Variants in ARHGAP10 observed in about 807,000 individuals in gnomAD.
The protein encoded by ARHGAP10 is Rho GTPase activating protein 10.
Under a neutral mutation model 108.6 loss-of-function variants are expected in ARHGAP10, and 87 were observed. The observed-to-expected ratio is 0.80, with a 90% CI of 0.67 to 0.96. The LOEUF (loss-of-function observed/expected upper bound fraction) is 0.96, where lower values mean the gene tolerates loss of function less well. Ranked by LOEUF, ARHGAP10 falls within the 40% of genes least tolerant of loss-of-function variation. The pLI is 0.00. For missense variants in ARHGAP10, 939 were observed against 954.5 expected, an observed-to-expected ratio of 0.98 and a Z score of 0.21; for synonymous variants, 347 against 341.1, an observed-to-expected ratio of 1.02 and a Z score of -0.19.
At chr4:148,008,914 G>C (rs1407019445) in intron 18 of ARHGAP10, among the ~76,000 whole-genome samples, 1 of 152,144 alleles carries the variant, frequency 6.6e-6, no homozygotes, top group East Asian at 1.9e-4. Context: ...GGACGTTAAA[G>C]AGATTTGCAA....
chr4:147,978,837 G>GT (rs1739703377), intron 18 of ARHGAP10, among the ~76,000 whole-genome samples: 1 of 152,090 alleles, frequency 6.6e-6, no homozygotes, highest in African/African-American at 2.4e-5. Context: ...TTTTTCATAT[G>GT]TTTTTTGGCC....
chr4:148,043,589 G>T (rs1728725520), intron 19 of ARHGAP10, among the ~76,000 whole-genome samples: 1 of 106,484 alleles, frequency 9.4e-6, no homozygotes, highest in African/African-American at 3.3e-5. Flanking sequence ...GACCAAGCTG[G>T]ACAACATAGG....
rs138165776 is a variant in ARHGAP10, at chr4:147,887,050, C to T, written c.1034+5118C>T. Among the ~76,000 whole-genome samples, 1,168 of 152,306 alleles carry T rather than the reference C, an allele frequency of 7.7e-3. 13 individuals carry two copies. The highest frequency in any genetic ancestry group is 0.026 in the African/African-American group (1,096 of 41,554). ...GGGATTACAGGCGCGAGTCACCCTG[C>T]CCGGCCCATGCTATGTTTCCTTAGT... On this transcript the variant is annotated intron_variant, in intron 10 of 22. Transcript: ENST00000336498.
chr4:148,012,902 G>C (rs1741218396), intron 18 of ARHGAP10, among the ~76,000 whole-genome samples: 1 of 150,764 alleles, frequency 6.6e-6, no homozygotes, highest in Admixed American at 6.6e-5. Flanking sequence ...TTCCTTTGTA[G>C]GGGATGGTGG....
intron 18 of ARHGAP10, among the ~76,000 whole-genome samples, chr4:147,990,869 G>A (rs115654716): frequency 0.021 from 3,216 of 151,902 alleles, 65 homozygotes; most frequent in South Asian, 0.093. Flanking sequence ...CAGAAAAACG[G>A]GCCTGGTGTT....
rs1467504106 is a variant in ARHGAP10, at chr4:147,794,194, T to TGTGA, written c.155-28528_155-28525dup. 2.6e-5 allele frequency among the ~76,000 whole-genome samples: 4 copies of TGTGA among 152,314 alleles called. 1 individual carries two copies. In the East Asian group the frequency reaches 7.7e-4, roughly 29 times the overall value. On this transcript the variant is annotated intron_variant, in intron 1 of 22. Coordinates refer to ENST00000336498, the MANE Select transcript of ARHGAP10 (RefSeq NM_024605.4). Reference sequence around the variant, plus strand: ...AGAGCGGTTATGGTTTTGCAGAGGTTGTGAGTGATTCATTTCACTTCAGAA... The same window carrying TGTGA: ...AGAGCGGTTATGGTTTTGCAGAGGTTGTGAGTGAGTGATTCATTTCACTTCAGAA...
chr4:147,862,158 G>A (rs145089840), intron 5 of ARHGAP10: 2 of 152,778 alleles, frequency 1.3e-5, no homozygotes, highest in East Asian at 1.9e-4. Flanking sequence ...AGTCCAGAGG[G>A]GGCCGAGCTG....
intron 1 of ARHGAP10, among the ~76,000 whole-genome samples, chr4:147,761,845 G>A (rs1196734122): frequency 6.6e-6 from 1 of 152,150 alleles, no homozygotes; most frequent in Non-Finnish European, 1.5e-5. Context: ...AAACGAAGGA[G>A]AAAAAGTTAA....
chr4:147,812,832 T>A (rs1732085863), intron 1 of ARHGAP10, among the ~76,000 whole-genome samples: 1 of 152,182 alleles, frequency 6.6e-6, no homozygotes. Flanking sequence ...TTCTTATGCT[T>A]GTCTCTAAAA....
rs11281620 is a variant in ARHGAP10 at position 148,017,680 on chromosome 4, A to ATATATATATATATATATATATATGAG, written c.1717-5580_1717-5579insATATATATATATATATATATGAGTAT. 6.3e-4 allele frequency among the ~76,000 whole-genome samples: 89 copies of ATATATATATATATATATATATATGAG among 141,428 alleles called. 6 individuals are homozygous for ATATATATATATATATATATATATGAG. The highest frequency in any genetic ancestry group is 2.2e-3 in the African/African-American group (82 of 36,566). The allele number at this position is 141,428 out of a possible 152,430, so 92.8% of individuals were successfully genotyped here. A position where few individuals can be genotyped will look rare whatever the true frequency, so the allele number is the denominator to read the frequency against. ...TATATATATATATATATATATATATATATGTGTGTGTATGTAAAGGAATTC... is the reference window on the plus strand; with the variant it reads ...TATATATATATATATATATATATATATATATATATATATATATATATATGAGTATGTGTGTGTATGTAAAGGAATTC... On this transcript the variant is annotated intron_variant, in intron 18 of 22. Coordinates refer to ENST00000336498, the MANE Select transcript of ARHGAP10 (RefSeq NM_024605.4).
chr4:147,749,308 T>G (rs941698525), intron 1 of ARHGAP10, among the ~76,000 whole-genome samples: 1 of 152,220 alleles, frequency 6.6e-6, no homozygotes, highest in African/African-American at 2.4e-5. Context: ...TTAAAATACT[T>G]AATATTTATA....
chr4:147,738,215 C>T (rs927513254), intron 1 of ARHGAP10, among the ~76,000 whole-genome samples: 2 of 152,142 alleles, frequency 1.3e-5, no homozygotes, highest in East Asian at 1.9e-4. Flanking sequence ...GATCCTTGCT[C>T]AAGCTGCTTA....
intron 22 of ARHGAP10, chr4:148,065,396 A>C (rs1729816038): frequency 6.6e-6 from 1 of 152,242 alleles, no homozygotes; most frequent in Non-Finnish European, 1.5e-5. Flanking sequence ...TGCCTCATTT[A>C]GAATAGATTT....
intron 1 of ARHGAP10, among the ~76,000 whole-genome samples, chr4:147,759,972 A>ACTCCTGACCTCAGGTGATCCACCCGC (rs1202744152): frequency 1.3e-5 from 2 of 151,538 alleles, no homozygotes; most frequent in Non-Finnish European, 2.9e-5. Flanking sequence ...CTGATCTCAG[A>ACTCCTGACCTCAGGTGATCCACCCGC]CTCCTGACCT....
At chr4:147,757,241 C>G (rs990920678) in intron 1 of ARHGAP10, among the ~76,000 whole-genome samples, 4 of 138,678 alleles carry the variant, frequency 2.9e-5, no homozygotes, top group African/African-American at 1.1e-4. Context: ...GTGGCCCAGG[C>G]TGGAGTGCAG....
chr4:148,027,727 G>A (rs985607233), intron 19 of ARHGAP10, among the ~76,000 whole-genome samples: 22 of 152,126 alleles, frequency 1.4e-4, no homozygotes, highest in African/African-American at 4.6e-4. Context: ...ACACGTCAAC[G>A]AGAGCAATGC....
chr4:148,050,422 G>A (rs1406301307), intron 20 of ARHGAP10, among the ~76,000 whole-genome samples: 3 of 142,444 alleles, frequency 2.1e-5, no homozygotes, highest in African/African-American at 7.9e-5. Context: ...TGCCCAGGCT[G>A]GAGTGCAGTG....
At position 147,879,283 on chromosome 4, in the gene ARHGAP10, A is replaced by T; in HGVS notation, c.884A>T (p.Lys295Ile). 1 of 1,614,130 alleles carries T rather than the reference A, an allele frequency of 6.2e-7. No homozygotes were observed. The change falls in exon 9 of 23, where the codon AAA becomes ATA. Residue 295 changes from lysine to isoleucine, a missense_variant. Physicochemically the swap from Lys to Ile is moderately radical, Grantham distance 102 (BLOSUM62 -3). Coordinates refer to ENST00000336498, the MANE Select transcript of ARHGAP10 (RefSeq NM_024605.4). The part of the protein sequence containing the change: ...SWVKHYCMYR[K>I]AAKKFNMIPF... ...GTCAAACACTATTGCATGTATCGAA[A>T]AGCAGCAAAGAAGTTCAACATGATC...
intron 6 of ARHGAP10, chr4:147,865,215 A>G (rs1396876892): frequency 1.5e-5 from 5 of 332,324 alleles, no homozygotes; most frequent in African/African-American, 4.4e-5. Flanking sequence ...ACCATGTGCA[A>G]TTTCTGCCAC....
Sources: allele counts gnomAD v4.1 joint callset (sites outside exome capture counted in the v4.1 genomes callset), GRCh38; gene constraint gnomAD v4.1.1; transcripts MANE v1.5; gene names NCBI Gene and HGNC (gene_info 2026-07-23, HGNC 2026-07-21).